Variants in TNPO1 observed in about 807,000 individuals in gnomAD.
The protein encoded by TNPO1 is transportin-1.
A neutral mutation model predicts 119.5 loss-of-function variants in TNPO1; 8 were observed. The observed-to-expected ratio is 0.07, with a 90% confidence interval of 0.04 to 0.12. TNPO1 has a LOEUF of 0.12. TNPO1 is among the 10% of genes least tolerant of loss of function. The probability of loss-of-function intolerance (pLI) is 1.00; values close to 1 mark genes in which losing one functional copy is unlikely to be tolerated. For missense variants in TNPO1, 576 were observed against 1,089.8 expected (o/e 0.53, Z 6.64); for synonymous variants, 362 against 363.0 (o/e 1.00, Z 0.03).
At chr5:72,860,456 G>C (rs577115339) in intron 4 of TNPO1, among the ~76,000 whole-genome samples, 54 of 152,232 alleles carry the variant, frequency 3.5e-4, no homozygotes, top group African/African-American at 1.3e-3. Flanking sequence ...TGTTGTCCTT[G>C]TGTTTGTGTT....
chr5:72,858,495 C>G (rs949037821), intron 4 of TNPO1, among the ~76,000 whole-genome samples: 1 of 152,160 alleles, frequency 6.6e-6, no homozygotes, highest in Non-Finnish European at 1.5e-5. Context: ...GTATGATTGA[C>G]AGATTCTTCC....
intron 9 of TNPO1, among the ~76,000 whole-genome samples, chr5:72,880,004 A>G: frequency 6.6e-6 from 1 of 152,140 alleles, no homozygotes. Flanking sequence ...CCTGGACAAC[A>G]TGGTGAAACC....
chr5:72,858,691 T>C (rs1746186245), intron 4 of TNPO1, among the ~76,000 whole-genome samples: 1 of 151,958 alleles, frequency 6.6e-6, no homozygotes, highest in Non-Finnish European at 1.5e-5. Context: ...CAAAAAATTA[T>C]CCGGGTGTGG....
chr5:72,900,860 T>C (rs977912006), intron 21 of TNPO1, 114 bp from the exon 22 acceptor site: 38 of 583,286 alleles, frequency 6.5e-5, no homozygotes, highest in Non-Finnish European at 9.4e-5. Flanking sequence ...AAAAACTCTT[T>C]TAATATAATC....
At chr5:72,877,206 A>G in intron 8 of TNPO1, 22 bp from the exon 9 acceptor site, 2 of 1,345,806 alleles carry the variant, frequency 1.5e-6, no homozygotes, top group Admixed American at 1.7e-5. Flanking sequence ...ACTGACTAAT[A>G]TTAAGGATAT....
At chr5:72,822,099 A>G (rs760323482) in intron 1 of TNPO1, among the ~76,000 whole-genome samples, 6 of 152,206 alleles carry the variant, frequency 3.9e-5, no homozygotes, top group Admixed American at 6.5e-5. Context: ...ATGTCACCCT[A>G]TCATGAGCCA....
At chr5:72,891,446 C>G (rs1431103159) in intron 14 of TNPO1, among the ~76,000 whole-genome samples, 1 of 152,030 alleles carries the variant, frequency 6.6e-6, no homozygotes, top group Non-Finnish European at 1.5e-5. Context: ...GCCTGGACGA[C>G]AGAGCAAGAC....
chr5:72,865,053 C>T (rs952250001), intron 5 of TNPO1, among the ~76,000 whole-genome samples: 3 of 152,098 alleles, frequency 2.0e-5, no homozygotes, highest in African/African-American at 4.8e-5. Context: ...CCAAAATATC[C>T]TCCACTTCTA....
intron 20 of TNPO1, among the ~76,000 whole-genome samples, chr5:72,899,302 G>C (rs1749653214): frequency 6.6e-6 from 1 of 152,042 alleles, no homozygotes; most frequent in Non-Finnish European, 1.5e-5. Context: ...TGTTACCTGA[G>C]TTATCAGAGG....
intron 20 of TNPO1, among the ~76,000 whole-genome samples, chr5:72,898,276 G>A (rs1749580537): frequency 6.6e-6 from 1 of 152,068 alleles, no homozygotes; most frequent in Non-Finnish European, 1.5e-5. Flanking sequence ...ATGCTTAACT[G>A]CAAATAAATG....
intron 23 of TNPO1, among the ~76,000 whole-genome samples, chr5:72,904,266 G>A (rs155435): frequency 0.82 from 124,920 of 152,150 alleles, 51,544 homozygotes; most frequent in Non-Finnish European, 0.86. Flanking sequence ...ATAGTTTGTC[G>A]TGAACTCAAA....
intron 14 of TNPO1, among the ~76,000 whole-genome samples, chr5:72,891,533 T>C (rs1295025848): frequency 6.6e-6 from 1 of 152,268 alleles, no homozygotes; most frequent in African/African-American, 2.4e-5. Context: ...TGATTAGCTG[T>C]GTGTTTATTG....
chr5:72,893,750 A>G (rs774219747), intron 18 of TNPO1, 47 bp downstream of exon 18: 17 of 1,509,764 alleles, frequency 1.1e-5, no homozygotes, highest in South Asian at 3.5e-5. Flanking sequence ...TAAAGTTAAC[A>G]TTTACATCAG....
Position 72,848,099 on chromosome 5 carries a change from G to A in TNPO1, c.16-286G>A, listed in dbSNP as rs1191536673. 7 of 1,125,716 alleles carry A rather than the reference G, an allele frequency of 6.2e-6. No homozygotes were observed. The South Asian group carries it at 8.6e-5, about 14-fold the overall frequency. The allele number at this position is 1,125,716 out of a possible 1,614,324, so 69.7% of individuals were successfully genotyped here. ...GGGGGCTCCCGTGAGCGGATCTTGG[G>A]GCCAGATTGCAAATTCGCGGTGACT... is the stretch of plus-strand genomic sequence containing the variant. On this transcript the variant is annotated intron_variant, in intron 1 of 24. Coordinates refer to ENST00000337273, the MANE Select transcript of TNPO1 (RefSeq NM_002270.4).
chr5:72,868,458 A>AAAAAAAAAC (rs1554052270), intron 6 of TNPO1, among the ~76,000 whole-genome samples: 47 of 113,410 alleles, frequency 4.1e-4, no homozygotes, highest in Non-Finnish European at 7.7e-4. Context: ...AAAAAAAAAA[A>AAAAAAAAAC]ACACAAAATA....
chr5:72,896,683 G>A (rs1749451333), intron 19 of TNPO1, 127 bp downstream of exon 19: 2 of 622,558 alleles, frequency 3.2e-6, no homozygotes, highest in Non-Finnish European at 5.4e-6. Context: ...CAGCCTGGTT[G>A]ACATGGTGAA....
intron 21 of TNPO1, 130 bp from the exon 22 acceptor site, chr5:72,900,844 T>G: frequency 2.0e-6 from 1 of 507,278 alleles, no homozygotes; most frequent in Non-Finnish European, 3.3e-6. Context: ...AAACTAAAGC[T>G]TTCCGAAAAA....
chr5:72,882,463 A>G lies in TNPO1; in HGVS notation c.921-4A>G, dbSNP rs1278650074. On this transcript the variant is annotated splice_region_variant and splice_polypyrimidine_tract_variant and intron_variant, in intron 9 of 24. Coordinates refer to ENST00000337273, the MANE Select transcript of TNPO1 (RefSeq NM_002270.4). ...CTTTGTTTCATGAATTTCTTTCTTT[A>G]TAGGTTGATTCCTGTGTTAGTGAAT... 15 of 1,606,174 alleles carry G rather than the reference A, an allele frequency of 9.3e-6. No individual in the cohort carries two copies. Among genetic ancestry groups the G allele is most frequent in the South Asian group, 1.1e-5 (1 of 89,558 alleles).
intron 4 of TNPO1, 41 bp from the exon 5 acceptor site, chr5:72,861,767 A>C (rs572114534): frequency 1.4e-6 from 2 of 1,398,916 alleles, no homozygotes; most frequent in African/African-American, 2.8e-5. Context: ...TGCCTGACAT[A>C]ATGCTGTTGG....
Sources: allele counts gnomAD v4.1 joint callset (sites outside exome capture counted in the v4.1 genomes callset), GRCh38; gene constraint gnomAD v4.1.1; transcripts MANE v1.5; gene names NCBI Gene and HGNC (gene_info 2026-07-23, HGNC 2026-07-21).